Variants in TNIK observed in about 807,000 individuals in gnomAD.
TNIK encodes the protein TRAF2 and NCK-interacting protein kinase.
A neutral mutation model predicts 191.3 loss-of-function variants in TNIK; 49 were observed. That is an observed-to-expected ratio of 0.26 (90% confidence interval 0.20 to 0.32). TNIK has a LOEUF of 0.32. Ranked by LOEUF, TNIK falls within the 10% of genes least tolerant of loss-of-function variation. The pLI is 1.00. For missense variants in TNIK, 1,155 were observed against 1,702.3 expected, an observed-to-expected ratio of 0.68 and a Z score of 5.66; for synonymous variants, 594 against 600.9, an observed-to-expected ratio of 0.99 and a Z score of 0.17.
chr3:171,389,103 C>T (rs1719117272), intron 1 of TNIK, among the ~76,000 whole-genome samples: 1 of 152,012 alleles, frequency 6.6e-6, no homozygotes, highest in Admixed American at 6.6e-5. Context: ...AACCTGAGGC[C>T]CCAAAACAAC....
At chr3:171,375,314 T>A (rs1261514056) in intron 1 of TNIK, among the ~76,000 whole-genome samples, 1 of 152,228 alleles carries the variant, frequency 6.6e-6, no homozygotes, top group African/African-American at 2.4e-5. Context: ...TCAGTCCGCA[T>A]TTTATAGATT....
intron 2 of TNIK, among the ~76,000 whole-genome samples, chr3:171,297,245 G>C (rs564147877): frequency 3.3e-5 from 5 of 152,158 alleles, no homozygotes; most frequent in Admixed American, 6.5e-5. Flanking sequence ...TAACACAACT[G>C]TTTTCTCCCC....
intron 3 of TNIK, among the ~76,000 whole-genome samples, chr3:171,216,821 T>G (rs1374849363): frequency 6.6e-6 from 1 of 152,000 alleles, no homozygotes; most frequent in African/African-American, 2.4e-5. Flanking sequence ...TACAATAGAT[T>G]GTAATAAATA....
chr3:171,352,880 G>A (rs1392335853), intron 2 of TNIK, among the ~76,000 whole-genome samples: 1 of 152,108 alleles, frequency 6.6e-6, no homozygotes, highest in Non-Finnish European at 1.5e-5. Context: ...AATGTATTCA[G>A]AAATGCAAAA....
chr3:171,375,365 C>T (rs10513697), intron 1 of TNIK, among the ~76,000 whole-genome samples: 1 of 152,076 alleles, frequency 6.6e-6, no homozygotes, highest in Non-Finnish European at 1.5e-5. Context: ...GGCCAGTAAA[C>T]GAAAACCTAT....
At chr3:171,456,917 G>A (rs1728856861) in intron 1 of TNIK, among the ~76,000 whole-genome samples, 1 of 152,152 alleles carries the variant, frequency 6.6e-6, no homozygotes, top group African/African-American at 2.4e-5. Flanking sequence ...CTCAAACCAC[G>A]CTCCTCGCTG....
At chr3:171,225,369 C>T (rs1191339368) in intron 3 of TNIK, among the ~76,000 whole-genome samples, 2 of 152,190 alleles carry the variant, frequency 1.3e-5, no homozygotes, top group East Asian at 1.9e-4. Context: ...TGTTTGCCTT[C>T]GTTAAAAGTC....
At chr3:171,259,697 G>A (rs535453309) in intron 2 of TNIK, among the ~76,000 whole-genome samples, 11 of 152,278 alleles carry the variant, frequency 7.2e-5, no homozygotes, top group African/African-American at 2.6e-4. Context: ...CTGGAAAGTG[G>A]TATCCACAAC....
chr3:171,420,380 T>C (rs1723624590), intron 1 of TNIK, among the ~76,000 whole-genome samples: 1 of 151,858 alleles, frequency 6.6e-6, no homozygotes, highest in Non-Finnish European at 1.5e-5. Context: ...TAAAAAGGAG[T>C]TTTTTTACAC....
chr3:171,434,388 G>A (rs148359948), intron 1 of TNIK, among the ~76,000 whole-genome samples: 1 of 152,036 alleles, frequency 6.6e-6, no homozygotes, highest in East Asian at 1.9e-4. Context: ...AAGTTTTTGA[G>A]GTATCATCTG....
At chr3:171,383,153 G>A (rs189393764) in intron 1 of TNIK, among the ~76,000 whole-genome samples, 2 of 152,288 alleles carry the variant, frequency 1.3e-5, no homozygotes, top group African/African-American at 4.8e-5. Context: ...GCAGCTCCCA[G>A]AAACAGTAAA....
At chr3:171,194,962 A>G (rs1288626654) in intron 4 of TNIK, among the ~76,000 whole-genome samples, 2 of 152,114 alleles carry the variant, frequency 1.3e-5, no homozygotes, top group Non-Finnish European at 2.9e-5. Context: ...CAGCAGTCAA[A>G]TTTTCACATA....
At chr3:171,456,640 G>A (rs1049032752) in intron 1 of TNIK, among the ~76,000 whole-genome samples, 6 of 152,312 alleles carry the variant, frequency 3.9e-5, no homozygotes, top group East Asian at 1.9e-4. Context: ...TCGTTTGCCT[G>A]CAGAGTAGGC....
chr3:171,083,814 C>T (rs1420465772), intron 26 of TNIK, among the ~76,000 whole-genome samples: 1 of 152,134 alleles, frequency 6.6e-6, no homozygotes, highest in East Asian at 1.9e-4. Flanking sequence ...AAGTGCCAGA[C>T]ACAAATCGCC....
chr3:171,265,834 G>A (rs1748323384), intron 2 of TNIK, among the ~76,000 whole-genome samples: 1 of 151,108 alleles, frequency 6.6e-6, no homozygotes, highest in Non-Finnish European at 1.5e-5. Flanking sequence ...ACTAGTGATT[G>A]CTTTAAATAA....
At chr3:171,169,229 T>C (rs1012181223) in intron 9 of TNIK, among the ~76,000 whole-genome samples, 28 of 152,140 alleles carry the variant, frequency 1.8e-4, no homozygotes, top group African/African-American at 6.0e-4. Context: ...CAGTTCTCTT[T>C]TTCTTGCTGG....
At chr3:171,292,338 T>A (rs570269620) in intron 2 of TNIK, among the ~76,000 whole-genome samples, 9 of 152,358 alleles carry the variant, frequency 5.9e-5, no homozygotes, top group African/African-American at 1.7e-4. Flanking sequence ...GATTCTATTA[T>A]TTTCCTTTGA....
chr3:171,239,338 T>TGGCTCTTACATATTC (rs1744675917), intron 2 of TNIK, among the ~76,000 whole-genome samples: 1 of 152,224 alleles, frequency 6.6e-6, no homozygotes, highest in Non-Finnish European at 1.5e-5. Flanking sequence ...AATGCAGGGA[T>TGGCTCTTACATATTC]ATAGGAATCT....
chr3:171,293,203 T>A (rs1190527790), intron 2 of TNIK, among the ~76,000 whole-genome samples: 14 of 152,192 alleles, frequency 9.2e-5, no homozygotes, highest in Non-Finnish European at 1.8e-4. Context: ...AACAAAAAAA[T>A]CTTTTATCTA....
Sources: gnomAD v4.1 joint callset for allele counts (sites outside exome capture counted in the v4.1 genomes callset) on GRCh38, gnomAD v4.1.1 for gene constraint, MANE v1.5 for transcripts, NCBI Gene and HGNC (gene_info 2026-07-23, HGNC 2026-07-21) for gene names.